Variants in SYNPO2 observed in about 807,000 individuals in gnomAD.
The protein encoded by SYNPO2 is synaptopodin-2.
A neutral mutation model predicts 85.0 loss-of-function variants in SYNPO2; 56 were observed. That is an observed-to-expected ratio of 0.66 (90% confidence interval 0.53 to 0.82). SYNPO2 has a LOEUF of 0.82. Among genes scored for constraint, SYNPO2 ranks in the 40% least tolerant of loss-of-function variants. The pLI is 0.00. For missense variants in SYNPO2, 1,575 were observed against 1,534.2 expected (o/e 1.03, Z -0.44); for synonymous variants, 602 against 591.1 (o/e 1.02, Z -0.27).
chr4:118,978,299 C>T (rs1158723968), intron 1 of SYNPO2, among the ~76,000 whole-genome samples: 1 of 152,200 alleles, frequency 6.6e-6, no homozygotes, highest in African/African-American at 2.4e-5. Flanking sequence ...GATTGAATTA[C>T]TGTATCTTGT....
In SYNPO2 at chr4:119,023,526, G is replaced by T; in HGVS notation, c.202G>T (p.Glu68Ter). 1 of 1,613,560 alleles carries T rather than the reference G, an allele frequency of 6.2e-7. No homozygotes were observed. The highest frequency in any genetic ancestry group is 8.5e-7 in the Non-Finnish European group (1 of 1,179,738). The stretch of plus-strand genomic sequence containing the variant: ...CCCTTGTGCAGATCTCACCTACCCT[G>T]AAGTCATCAAGCTCATGGAAAGCAT... ...GNPCADLTYP[E>*]VIKLMESITD... The change falls in exon 2 of 5, where the codon GAA (glutamate) becomes TAA (stop). Residue 68 changes from glutamate to a stop codon, truncating the protein, a stop_gained. Transcript: ENST00000307142. LOFTEE classifies it high-confidence loss of function.
At chr4:119,012,393 T>TTTTTTTTTTA (rs1553946399) in intron 1 of SYNPO2, among the ~76,000 whole-genome samples, 90 of 130,750 alleles carry the variant, frequency 6.9e-4, no homozygotes, top group East Asian at 1.3e-3. Flanking sequence ...TTTTTTTTTT[T>TTTTTTTTTTA]ATTTTACTTT....
At chr4:118,857,445 G>T (rs1195010280) in intron 1 of SYNPO2, among the ~76,000 whole-genome samples, 1 of 152,018 alleles carries the variant, frequency 6.6e-6, no homozygotes, top group Non-Finnish European at 1.5e-5. Context: ...AACCTCAAAG[G>T]CTAGCAAAGA....
rs200921856 is a variant in SYNPO2, at chr4:118,855,259, GA to G, written c.12+4325del. ...TTGATAAATCTTCTATTTTTAGTTG[GA>G]AAAAATTCTCTGTGCTGAAATAGAA... On this transcript the variant is annotated intron_variant, in intron 1 of 4. Transcript: ENST00000610556. 6.1e-4 allele frequency among the ~76,000 whole-genome samples: 93 copies of G among 152,046 alleles called. 1 individual carries two copies. The East Asian group carries it at 6.8e-3, about 11-fold the overall frequency.
chr4:119,029,886 GA>G lies in SYNPO2; in HGVS notation c.1113del (p.Ala372GlnfsTer12). 1 of 1,603,180 alleles carries G rather than the reference GA, an allele frequency of 6.2e-7. No homozygotes were observed. The part of the protein sequence containing the change: ...SESLSEKQVK[E>X]AKSKCKSIAL... ...AAGCCTGTCAGAAAAACAAGTGAAG[GA>G]AGCAAAATCTAAATGCAAAAGCATT... On this transcript the variant is annotated frameshift_variant, in exon 4 of 5. Transcript: ENST00000307142. LOFTEE classifies it high-confidence loss of function.
At chr4:118,977,035 G>C (rs537794068) in intron 1 of SYNPO2, among the ~76,000 whole-genome samples, 2 of 152,182 alleles carry the variant, frequency 1.3e-5, no homozygotes, top group South Asian at 4.1e-4. Flanking sequence ...CTGCCAGTCC[G>C]GCGCCGTGCG....
At chr4:118,860,991 A>C (rs1285302002) in intron 1 of SYNPO2, among the ~76,000 whole-genome samples, 1 of 152,040 alleles carries the variant, frequency 6.6e-6, no homozygotes, top group African/African-American at 2.4e-5. Context: ...TTGTCTCTTC[A>C]CTTTGTTGAC....
chr4:118,879,527 C>T (rs1560816914), intron 1 of SYNPO2, among the ~76,000 whole-genome samples: 1 of 152,162 alleles, frequency 6.6e-6, no homozygotes, highest in African/African-American at 2.4e-5. Context: ...AGAAGACAGT[C>T]ATCTACAAAC....
At chr4:118,912,239 T>C (rs575887911) in intron 1 of SYNPO2, among the ~76,000 whole-genome samples, 77 of 152,298 alleles carry the variant, frequency 5.1e-4, no homozygotes, top group Middle Eastern at 3.4e-3. Flanking sequence ...CGGAGTGCAG[T>C]AGAGTGACTA....
At chr4:119,014,020 A>T (rs1737431238) in intron 1 of SYNPO2, among the ~76,000 whole-genome samples, 1 of 152,172 alleles carries the variant, frequency 6.6e-6, no homozygotes, top group African/African-American at 2.4e-5. Context: ...CAACTATATA[A>T]CTGTGTGAGG....
intron 1 of SYNPO2, among the ~76,000 whole-genome samples, chr4:118,853,421 A>G (rs1032241128): frequency 6.6e-6 from 1 of 152,130 alleles, no homozygotes; most frequent in Non-Finnish European, 1.5e-5. Context: ...TAAGCATTGC[A>G]ACAAAATGTC....
In SYNPO2 at chr4:118,889,049, G is replaced by T. The variant is rs1261809470; in HGVS notation, c.13G>T (p.Asp5Tyr). 8.1e-6 allele frequency: 13 copies of T among 1,614,074 alleles called. No individual in the cohort carries two copies. The highest frequency in any genetic ancestry group is 1.3e-5 in the African/African-American group (1 of 74,940). Residue 5 changes from aspartate to tyrosine, a missense_variant, in exon 1 of 5, where the codon GAT (aspartate) becomes TAT (tyrosine). Asp to Tyr is a radical substitution (Grantham distance 160). Transcript: ENST00000307142. The part of the protein sequence containing the change: MGTG[D>Y]FICISMTGGA... ...CTAAAAGGAAAACATGGGCACAGGG[G>T]ATTTTATCTGCATTTCCATGACTGG... is the stretch of plus-strand genomic sequence containing the variant.
At chr4:119,021,153 G>A (rs1472020416) in intron 1 of SYNPO2, among the ~76,000 whole-genome samples, 1 of 152,078 alleles carries the variant, frequency 6.6e-6, no homozygotes, top group Non-Finnish European at 1.5e-5. Flanking sequence ...TAGAAGGATG[G>A]GCCCTCCCAG....
At chr4:118,876,725 CTTTCTT>C (rs1166909202) in intron 1 of SYNPO2, among the ~76,000 whole-genome samples, 1 of 119,958 alleles carries the variant, frequency 8.3e-6, no homozygotes, top group East Asian at 2.4e-4. Context: ...TTCTTTCTTT[CTTTCTT>C]TCTTTCTGCC....
At chr4:119,047,182 T>C (rs1738897794) in intron 4 of SYNPO2, among the ~76,000 whole-genome samples, 1 of 152,200 alleles carries the variant, frequency 6.6e-6, no homozygotes, top group Non-Finnish European at 1.5e-5. Context: ...TGCTTTAGCT[T>C]CCCAAGCAGC....
chr4:118,887,259 A>G (rs1436250673), upstream of SYNPO2, among the ~76,000 whole-genome samples: 10 of 151,472 alleles, frequency 6.6e-5, 1 homozygote, highest in Non-Finnish European at 1.5e-5. Context: ...CTTGCGCCCT[A>G]AGCTGCAGGG....
rs1336854753 is a variant in SYNPO2, at chr4:119,059,071, G to T, written c.*1137G>T. On this transcript the variant is annotated 3_prime_UTR_variant, in exon 5 of 5. Coordinates refer to ENST00000307142, the MANE Select transcript of SYNPO2 (RefSeq NM_133477.3). ...AGATTCTCTCATTTGTAGAATGCCC[G>T]CTGATGCATTGTTTATTTTTTTTGC... is the stretch of plus-strand genomic sequence containing the variant. The T allele has an allele frequency of 6.6e-6, 1 of 152,090 alleles. No individual in the cohort carries two copies. Among genetic ancestry groups the T allele is most frequent in the African/African-American group, 2.4e-5 (1 of 41,422 alleles). 9.4% of individuals were successfully genotyped at this position (152,090 alleles called of 1,614,324 possible). A position where few individuals can be genotyped will look rare whatever the true frequency, so the allele number is the denominator to read the frequency against.
intron 1 of SYNPO2, among the ~76,000 whole-genome samples, chr4:118,972,353 A>G (rs941400542): frequency 6.6e-5 from 10 of 152,062 alleles, no homozygotes; most frequent in Non-Finnish European, 2.9e-5. Context: ...CTGAGGTGGA[A>G]GGATGGCTTC....
rs147516290 is a variant in SYNPO2, at chr4:119,057,742, G to T, written c.3594G>T (p.Glu1198Asp). ...KAYMGSCGRQ[E>D]YNVTANNNMS... ...ATATGGGCTCATGTGGAAGGCAAGA[G>T]TATAATGTCACAGCCAATAATAATA... The change falls in exon 5 of 5, where the codon GAG becomes GAT. Residue 1198 changes from glutamate (E) to aspartate (D), a missense_variant. Transcript: ENST00000307142. The T allele has an allele frequency of 1.1e-5, 17 of 1,614,126 alleles. No individual in the cohort carries two copies. The highest frequency in any genetic ancestry group is 1.4e-5 in the Non-Finnish European group (17 of 1,180,038).
Sources: allele counts gnomAD v4.1 joint callset (sites outside exome capture counted in the v4.1 genomes callset), GRCh38; gene constraint gnomAD v4.1.1; transcripts MANE v1.5; gene names NCBI Gene and HGNC (gene_info 2026-07-23, HGNC 2026-07-21).